PDK4: variants seen among roughly 807,000 people sequenced by gnomAD.
The protein encoded by PDK4 is pyruvate dehydrogenase kinase, isozyme 4.
PDK4 carries 43 observed loss-of-function variants against 51.7 expected under a neutral mutation model. The ratio of observed to expected loss-of-function variants is 0.83; its 90% confidence interval spans 0.65 to 1.07. The LOEUF is 1.07. Among genes scored for constraint, PDK4 ranks in the 50% least tolerant of loss-of-function variants. The probability of loss-of-function intolerance (pLI) is 0.00; values close to 1 mark genes in which losing one functional copy is unlikely to be tolerated. For synonymous variants in PDK4, 170 were observed against 176.6 expected, an observed-to-expected ratio of 0.96 and a Z score of 0.30; for missense variants, 498 against 503.5, an observed-to-expected ratio of 0.99 and a Z score of 0.10.
At chr7:95,592,436 G>A in intron 5 of PDK4, 75 bp downstream of exon 5, 1 of 847,170 alleles carries the variant, frequency 1.2e-6, no homozygotes. Flanking sequence ...CATTCACAGA[G>A]TCACCTCAAT....
rs916523636 is a variant in PDK4 at position 95,584,422 on chromosome 7, T to A, written c.*1219A>T. The A allele has an allele frequency of 4.6e-5, 7 of 152,134 alleles. No individual in the cohort carries two copies. The highest frequency in any genetic ancestry group is 1.7e-4 in the African/African-American group (7 of 41,426). 9.4% of individuals were successfully genotyped at this position (152,134 alleles called of 1,614,324 possible). A position where few individuals can be genotyped will look rare whatever the true frequency, so the allele number is the denominator to read the frequency against. On this transcript the variant is annotated 3_prime_UTR_variant, in exon 11 of 11. Coordinates refer to ENST00000005178, the MANE Select transcript of PDK4 (RefSeq NM_002612.4). The stretch of plus-strand genomic sequence containing the variant: ...GTCTGCCAACCTTCAAATTATACCT[T>A]AACTCTCCCAAAAATACCATATGCA...
chr7:95,592,555 A>T lies in PDK4; in HGVS notation c.572T>A (p.Ile191Asn), dbSNP rs138077797. ...ATCACAGTTAGGATCAATGCTTCCAATGTGGCTTGGGTTTCCTGTCTGTGA... is the reference window on the plus strand; with the variant it reads ...ATCACAGTTAGGATCAATGCTTCCATTGTGGCTTGGGTTTCCTGTCTGTGA... ...SDSQTGNPSH[I>N]GSIDPNCDVV... The change falls in exon 5 of 11, where the codon ATT (isoleucine) becomes AAT (asparagine). Residue 191 changes from isoleucine (I) to asparagine (N), a missense_variant. Ile to Asn is a moderately radical substitution (Grantham distance 149). Transcript: ENST00000005178. 1 of 1,611,632 alleles carries T rather than the reference A, an allele frequency of 6.2e-7. No homozygotes were observed.
rs550213362 is a variant in PDK4 at position 95,584,202 on chromosome 7, T to C, written c.*1439A>G. On this transcript the variant is annotated 3_prime_UTR_variant, in exon 11 of 11. Transcript: ENST00000005178. ...GAGTGAGAGGCATTTAAAGAATCCATACTGCTTTCAAAACACCAGTTCTTC... is the reference window on the plus strand; with the variant it reads ...GAGTGAGAGGCATTTAAAGAATCCACACTGCTTTCAAAACACCAGTTCTTC... 1 of 152,308 alleles carries C rather than the reference T, an allele frequency of 6.6e-6. No individual in the cohort carries two copies. The highest frequency in any genetic ancestry group is 2.1e-4 in the South Asian group (1 of 4,826). The allele number at this position is 152,308 out of a possible 1,614,324, so 9.4% of individuals were successfully genotyped here. A position where few individuals can be genotyped will look rare whatever the true frequency, so the allele number is the denominator to read the frequency against.
chr7:95,586,804 G>T (rs1584120275), intron 10 of PDK4: 2 of 443,300 alleles, frequency 4.5e-6, no homozygotes, highest in Admixed American at 3.6e-5. Flanking sequence ...CTTCACTTGA[G>T]GCAGGTAGTA....
Position 95,592,751 on chromosome 7 carries a change from C to A in PDK4, c.529+9G>T. 1 of 1,603,600 alleles carries A rather than the reference C, an allele frequency of 6.2e-7. No homozygotes were observed. Among genetic ancestry groups the A allele is most frequent in the Non-Finnish European group, 8.5e-7 (1 of 1,172,782 alleles). On this transcript the variant is annotated intron_variant, in intron 4 of 10. Transcript: ENST00000005178. ...GTCTATATACCATGATCATGATGAGCTAACTTACTGTGCTGGTTCATCAGC... is the reference window on the plus strand; with the variant it reads ...GTCTATATACCATGATCATGATGAGATAACTTACTGTGCTGGTTCATCAGC...
chr7:95,595,100 G>C lies in PDK4; in HGVS notation c.195C>G (p.Leu65=), dbSNP rs55793839. ...AFLRQELPVR[L]ANILKEIDIL... ...TATCAATTTCCTTCAGAATGTTGGCGAGTCTCACAGGCAATTCTTGTCGCA... is the reference window on the plus strand; with the variant it reads ...TATCAATTTCCTTCAGAATGTTGGCCAGTCTCACAGGCAATTCTTGTCGCA... Residue 65 remains leucine (L), a synonymous_variant, in exon 2 of 11, where the codon CTC becomes CTG. Transcript: ENST00000005178. 2.5e-4 allele frequency: 401 copies of C among 1,611,976 alleles called. 1 individual carries two copies. In the East Asian group the frequency reaches 7.8e-3, roughly 31 times the overall value.
At chr7:95,593,023 G>A in intron 3 of PDK4, 79 bp from the exon 4 acceptor site, 1 of 960,680 alleles carries the variant, frequency 1.0e-6, no homozygotes, top group Non-Finnish European at 1.5e-6. Context: ...TTCACAGAAG[G>A]CTAAAGTTTT....
chr7:95,594,181 G>A (rs1395226677), intron 2 of PDK4, among the ~76,000 whole-genome samples: 1 of 152,048 alleles, frequency 6.6e-6, no homozygotes, highest in East Asian at 1.9e-4. Context: ...GTTTTAGATT[G>A]TAATTGTCTT....
intron 1 of PDK4, among the ~76,000 whole-genome samples, 190 bp downstream of exon 1, chr7:95,595,974 G>C (rs1034781397): frequency 6.6e-6 from 1 of 152,156 alleles, no homozygotes; most frequent in African/African-American, 2.4e-5. Context: ...CCTTGACCTG[G>C]AGGCACCCCT....
At chr7:95,589,764 A>T (rs1562837398) in intron 6 of PDK4, 48 bp from the exon 7 acceptor site, 1 of 992,704 alleles carries the variant, frequency 1.0e-6, no homozygotes, top group East Asian at 2.4e-5. Context: ...TACTTCACTA[A>T]AATAAACCAC....
intron 8 of PDK4, 68 bp from the exon 9 acceptor site, chr7:95,587,596 G>A (rs1019363622): frequency 8.0e-7 from 1 of 1,242,668 alleles, no homozygotes. Flanking sequence ...AAATAAAAAT[G>A]GCTTTCCTTC....
rs1791498146 is a variant in PDK4, at chr7:95,587,402, A to C, written c.981+16T>G. On this transcript the variant is annotated intron_variant, in intron 9 of 10. Transcript: ENST00000005178. ...CTAGGTGGCTGAGATTAATTTAGCC[A>C]TATAATTGTTCTTACCAAAGGAGCA... 1.4e-6 allele frequency: 2 copies of C among 1,425,396 alleles called. No individual in the cohort carries two copies. Among genetic ancestry groups the C allele is most frequent in the Non-Finnish European group, 2.0e-6 (2 of 1,007,916 alleles). The allele number at this position is 1,425,396 out of a possible 1,614,324, so 88.3% of individuals were successfully genotyped here.
intron 2 of PDK4, among the ~76,000 whole-genome samples, chr7:95,594,296 G>A (rs979317698): frequency 6.6e-6 from 1 of 152,114 alleles, no homozygotes; most frequent in African/African-American, 2.4e-5. Flanking sequence ...TGCATATCCT[G>A]CTTCTGTGAC....
In PDK4 at chr7:95,592,881, T is replaced by A. The variant is rs558410517; in HGVS notation, c.408A>T (p.Gln136His). The A allele has an allele frequency of 6.2e-6, 10 of 1,612,204 alleles. No individual in the cohort carries two copies. In the East Asian group the frequency reaches 2.2e-4, roughly 36 times the overall value. Residue 136 changes from glutamine (Q) to histidine (H), a missense_variant, in exon 4 of 11, where the codon CAA becomes CAT. Transcript: ENST00000005178. ...RHHNVVPTMA[Q>H]GIIEYKDACT... ...AGGCATCTTTATACTCTATGATTCC[T>A]TGTGCCATTGTAGGGACTACATTAT...
In PDK4 at chr7:95,593,026, A is replaced by G. The variant is rs559831920; in HGVS notation, c.345-82T>C. On this transcript the variant is annotated intron_variant, in intron 3 of 10. Coordinates refer to ENST00000005178, the MANE Select transcript of PDK4 (RefSeq NM_002612.4). ...TCCTAAGGTTACTTCACAGAAGGCT[A>G]AAGTTTTTTTTGCATTACCCATCTG... 2.5e-5 allele frequency: 23 copies of G among 938,554 alleles called. No individual in the cohort carries two copies. The South Asian group carries it at 4.8e-4, about 20-fold the overall frequency. 58.1% of individuals were successfully genotyped at this position (938,554 alleles called of 1,614,324 possible). A position where few individuals can be genotyped will look rare whatever the true frequency, so the allele number is the denominator to read the frequency against.
At chr7:95,595,769 C>G (rs1303036540) in intron 1 of PDK4, among the ~76,000 whole-genome samples, 6 of 152,196 alleles carry the variant, frequency 3.9e-5, no homozygotes, top group African/African-American at 1.4e-4. Flanking sequence ...GGAATAAAAT[C>G]TGTTAATTTG....
Position 95,585,617 on chromosome 7 carries a change from G to C in PDK4, c.*24C>G, listed in dbSNP as rs746671113. ...ACTGGTGTAGACCCACTTTGATCCC[G>C]TAAAGTGTCCTGAGTGTCCCTCTTC... On this transcript the variant is annotated 3_prime_UTR_variant, in exon 11 of 11. Transcript: ENST00000005178. The C allele has an allele frequency of 3.2e-6, 5 of 1,586,700 alleles. No homozygotes were observed. The highest frequency in any genetic ancestry group is 3.4e-6 in the Non-Finnish European group (4 of 1,160,968).
In PDK4 at chr7:95,585,569, C is replaced by A; in HGVS notation, c.*72G>T. 1 of 1,352,006 alleles carries A rather than the reference C, an allele frequency of 7.4e-7. No homozygotes were observed. 83.8% of individuals were successfully genotyped at this position (1,352,006 alleles called of 1,614,324 possible). On this transcript the variant is annotated 3_prime_UTR_variant, in exon 11 of 11. Transcript: ENST00000005178. ...TTGTTTTGGAGGAAACAAGGGTTCA[C>A]ACACAAACATTCAGGAAGCAGCACT...
chr7:95,591,799 C>A (rs1791555499), intron 6 of PDK4, among the ~76,000 whole-genome samples, 189 bp downstream of exon 6: 2 of 152,114 alleles, frequency 1.3e-5, no homozygotes, highest in Non-Finnish European at 1.5e-5. Context: ...TCATTAGCAA[C>A]TGAATAGGCA....
Sources: allele counts gnomAD v4.1 joint callset (sites outside exome capture counted in the v4.1 genomes callset), GRCh38; gene constraint gnomAD v4.1.1; transcripts MANE v1.5; gene names NCBI Gene and HGNC (gene_info 2026-07-23, HGNC 2026-07-21).